The following ABCC4 variants were observed in gnomAD, a reference collection of about 807,000 sequenced individuals.
The protein encoded by ABCC4 is ATP binding cassette subfamily C member 4 (PEL blood group), also known as ATP-binding cassette sub-family C member 4.
ABCC4 carries 102 observed loss-of-function variants against 168.5 expected under a neutral mutation model. The ratio of observed to expected loss-of-function variants is 0.61; its 90% CI spans 0.52 to 0.71. ABCC4 has a LOEUF of 0.71. Among genes scored for constraint, ABCC4 ranks in the 30% least tolerant of loss-of-function variants. The probability of loss-of-function intolerance (pLI) is 0.00; values close to 1 mark genes in which losing one functional copy is unlikely to be tolerated. For synonymous variants in ABCC4, 617 were observed against 590.7 expected (o/e 1.04, Z -0.65); for missense variants, 1,402 against 1,605.8 (o/e 0.87, Z 2.17).
chr13:95,274,221 T>C (rs1481680802), intron 1 of ABCC4, among the ~76,000 whole-genome samples: 1 of 152,208 alleles, frequency 6.6e-6, no homozygotes, highest in Non-Finnish European at 1.5e-5. Flanking sequence ...AGGGTGACCC[T>C]GTTCAGGGCC....
chr13:95,209,652 G>C, intron 5 of ABCC4, 55 bp from the exon 6 acceptor site: 1 of 1,520,800 alleles, frequency 6.6e-7, no homozygotes, highest in South Asian at 1.2e-5. Context: ...AAACCAGTAA[G>C]AACACAGTAC....
Position 95,075,467 on chromosome 13 carries a change from T to C in ABCC4, c.2771A>G (p.Gln924Arg). Residue 924 changes from glutamine (Q) to arginine (R), a missense_variant, in exon 22 of 31, where the codon CAG becomes CGG. Around this residue, in one of 3 missense-constraint regions of ABCC4, gnomAD observed 1,007 missense variants for 1,127.3 expected, o/e 0.89. Coordinates refer to ENST00000645237, the MANE Select transcript of ABCC4 (RefSeq NM_005845.5). ...IRAYKAEERC[Q>R]ELFDAHQDLH... The stretch of plus-strand genomic sequence containing the variant: ...ATCCTGGTGTGCATCAAACAGTTCC[T>C]GACACCTCTCTTCTGCTTTGTATGC... 3 of 1,614,126 alleles carry C rather than the reference T, an allele frequency of 1.9e-6. No individual in the cohort carries two copies. The highest frequency in any genetic ancestry group is 2.7e-5 in the African/African-American group (2 of 75,024).
At chr13:95,111,573 T>C (rs2035206843) in intron 20 of ABCC4, among the ~76,000 whole-genome samples, 1 of 152,186 alleles carries the variant, frequency 6.6e-6, no homozygotes, top group Non-Finnish European at 1.5e-5. Flanking sequence ...CACATTACCC[T>C]CGCTGCCCCT....
At position 95,103,143 on chromosome 13, in the gene ABCC4, T is replaced by TAG. The variant is rs2034874278; in HGVS notation, c.2535+12777_2535+12778dup. Among the ~76,000 whole-genome samples, 5 of 152,088 alleles carry TAG rather than the reference T, an allele frequency of 3.3e-5. No homozygotes were observed. The South Asian group carries it at 1.0e-3, about 32-fold the overall frequency. On this transcript the variant is annotated intron_variant, in intron 20 of 30. Transcript: ENST00000645237. ...AGCCTGGCGTGGTAGCATGCACCTG[T>TAG]AGTCCCAGCTACTTGGGAGGCTGAG... is the stretch of plus-strand genomic sequence containing the variant.
At chr13:95,031,952 T>C (rs2031896573) in intron 30 of ABCC4, among the ~76,000 whole-genome samples, 3 of 152,224 alleles carry the variant, frequency 2.0e-5, no homozygotes, top group Admixed American at 6.5e-5. Flanking sequence ...TGATGTGAAA[T>C]GCCTGAGGTA....
chr13:95,028,131 C>T (rs4148544), intron 30 of ABCC4, among the ~76,000 whole-genome samples: 50,523 of 151,958 alleles, frequency 0.33, 8,579 homozygotes, highest in East Asian at 0.51. Flanking sequence ...CATCTGTGGA[C>T]TGAAAACCAT....
At chr13:95,161,411 G>A (rs973884955) in intron 18 of ABCC4, 76 bp from the exon 19 acceptor site, 2 of 1,223,388 alleles carry the variant, frequency 1.6e-6, no homozygotes, top group South Asian at 2.1e-5. Context: ...AGCAAGCCAG[G>A]TAGTTTATAA....
intron 21 of ABCC4, among the ~76,000 whole-genome samples, chr13:95,078,130 TAGATTCTCCACCAGAATGTG>T (rs1182005040): frequency 6.6e-6 from 1 of 152,182 alleles, no homozygotes; most frequent in African/African-American, 2.4e-5. Flanking sequence ...TCCCTGAGCA[TAGATTCTCCACCAGAATGTG>T]ATCTGGCACT....
chr13:95,220,603 A>G (rs1173798363), intron 4 of ABCC4, among the ~76,000 whole-genome samples: 1 of 152,230 alleles, frequency 6.6e-6, no homozygotes, highest in East Asian at 1.9e-4. Flanking sequence ...CATTTTTACA[A>G]CCAAACATAC....
chr13:95,068,570 A>G (rs2033625070), intron 25 of ABCC4, among the ~76,000 whole-genome samples: 1 of 152,128 alleles, frequency 6.6e-6, no homozygotes, highest in Non-Finnish European at 1.5e-5. Flanking sequence ...ATGAGCCAAG[A>G]TTGCGCCACT....
chr13:95,262,885 T>C (rs574658987), intron 1 of ABCC4, among the ~76,000 whole-genome samples: 109 of 152,326 alleles, frequency 7.2e-4, no homozygotes, highest in African/African-American at 2.5e-3. Context: ...TCCAGCCACC[T>C]TGGCCTCCCA....
chr13:95,152,638 C>T (rs1478591243), intron 19 of ABCC4, among the ~76,000 whole-genome samples: 1 of 152,106 alleles, frequency 6.6e-6, no homozygotes, highest in African/African-American at 2.4e-5. Context: ...TTTTAAACTT[C>T]ATGGAAAACA....
chr13:95,043,799 G>A lies in ABCC4; in HGVS notation c.3630-12C>T, dbSNP rs200658551. 1.3e-6 allele frequency: 2 copies of A among 1,596,038 alleles called. No homozygotes were observed. The highest frequency in any genetic ancestry group is 2.2e-5 in the East Asian group (1 of 44,760). On this transcript the variant is annotated splice_polypyrimidine_tract_variant and intron_variant, in intron 28 of 30. Transcript: ENST00000645237. ...TTAACTCATCAGTTCTGCAATCAAA[G>A]AAGTTAAGTTTAATTTCGTAAAGAT...
intron 19 of ABCC4, among the ~76,000 whole-genome samples, chr13:95,152,942 G>A (rs1394671603): frequency 6.6e-6 from 1 of 152,064 alleles, no homozygotes; most frequent in Non-Finnish European, 1.5e-5. Flanking sequence ...ACAGAACAGC[G>A]TTTCAAGCTA....
intron 20 of ABCC4, among the ~76,000 whole-genome samples, chr13:95,107,039 C>A (rs933374505): frequency 6.6e-6 from 1 of 152,028 alleles, no homozygotes; most frequent in Admixed American, 6.6e-5. Context: ...GGTGGACCAC[C>A]TGAGGTCAGG....
intron 1 of ABCC4, among the ~76,000 whole-genome samples, chr13:95,276,835 A>G (rs1257435017): frequency 6.6e-6 from 1 of 152,162 alleles, no homozygotes; most frequent in African/African-American, 2.4e-5. Flanking sequence ...CCTGGCCAAC[A>G]TGGTGAAACT....
At chr13:95,192,537 TAC>T (rs1410176211) in intron 9 of ABCC4, among the ~76,000 whole-genome samples, 1 of 152,228 alleles carries the variant, frequency 6.6e-6, no homozygotes, top group Admixed American at 6.5e-5. Context: ...GTGTGGTAGC[TAC>T]CTCAGTGCCT....
intron 27 of ABCC4, among the ~76,000 whole-genome samples, chr13:95,052,087 T>G (rs2032867727): frequency 6.6e-6 from 1 of 151,918 alleles, no homozygotes; most frequent in Admixed American, 6.6e-5. Context: ...TTCAAGCAAT[T>G]CTCTTGTCTC....
intron 4 of ABCC4, among the ~76,000 whole-genome samples, chr13:95,232,972 T>C (rs777694643): frequency 2.0e-4 from 31 of 152,226 alleles, no homozygotes; most frequent in Admixed American, 4.6e-4. Flanking sequence ...TTCCTGTGCA[T>C]GGGTTTGGCA....
Sources: gnomAD v4.1 joint callset for allele counts (sites outside exome capture counted in the v4.1 genomes callset) on GRCh38, gnomAD v4.1.1 for gene constraint, gnomAD v4.1.1 regional missense constraint, MANE v1.5 for transcripts, NCBI Gene and HGNC (gene_info 2026-07-23, HGNC 2026-07-21) for gene names.